The following TSHZ1 variants were observed in gnomAD, a reference collection of about 807,000 sequenced individuals.
TSHZ1 encodes teashirt zinc finger homeobox 1, also known as teashirt homolog 1.
In TSHZ1, 12 loss-of-function variants were observed where a neutral mutation model predicts 67.1. The ratio of observed to expected loss-of-function variants is 0.18; its 90% confidence interval spans 0.11 to 0.29. The LOEUF (loss-of-function observed/expected upper bound fraction) is 0.29, where lower values mean the gene tolerates loss of function less well. TSHZ1 is among the 10% of genes least tolerant of loss of function. The probability of loss-of-function intolerance (pLI) is 1.00; values close to 1 mark genes in which losing one functional copy is unlikely to be tolerated. For missense variants in TSHZ1, 1,305 were observed against 1,413.9 expected, an observed-to-expected ratio of 0.92 and a Z score of 1.23; for synonymous variants, 632 against 622.4, an observed-to-expected ratio of 1.02 and a Z score of -0.23.
At chr18:75,237,851 T>C (rs12969080) in intron 1 of TSHZ1, among the ~76,000 whole-genome samples, 2,863 of 151,674 alleles carry the variant, frequency 0.019, 41 homozygotes, top group Non-Finnish European at 0.032. Flanking sequence ...TCACTCTTGT[T>C]GCCCAGGCTG....
chr18:75,256,971 G>T (rs1054698222), intron 1 of TSHZ1, among the ~76,000 whole-genome samples: 6 of 152,102 alleles, frequency 3.9e-5, no homozygotes, highest in African/African-American at 1.2e-4. Context: ...GGGAAATGCT[G>T]CTCTTTTTAA....
At position 75,281,342 on chromosome 18, in the gene TSHZ1, G is replaced by A. The variant is rs1021945968; in HGVS notation, c.41-4106G>A. The stretch of plus-strand genomic sequence containing the variant: ...ACGTCTGAATCTGGAGATTCAGAAG[G>A]AGGAGAAAGTGTGCTGTTGTTTTGA... On this transcript the variant is annotated intron_variant, in intron 1 of 1. Transcript: ENST00000580243. This position sits in a 1 kb window ranked among gnomAD's most constrained non-coding sequence, Gnocchi z 5.3. Among the ~76,000 whole-genome samples, 1 of 152,210 alleles carries A rather than the reference G, an allele frequency of 6.6e-6. No individual in the cohort carries two copies. The highest frequency in any genetic ancestry group is 6.5e-5 in the Admixed American group (1 of 15,290).
intron 1 of TSHZ1, among the ~76,000 whole-genome samples, chr18:75,218,876 C>G (rs962563615): frequency 6.6e-6 from 1 of 152,218 alleles, no homozygotes; most frequent in Admixed American, 6.5e-5. Flanking sequence ...AGTCAATACT[C>G]TTTGCTGGGA....
At chr18:75,276,248 C>A (rs1437227911) in intron 1 of TSHZ1, among the ~76,000 whole-genome samples, 1 of 150,610 alleles carries the variant, frequency 6.6e-6, no homozygotes, top group Non-Finnish European at 1.5e-5. Flanking sequence ...GCCATTAGGT[C>A]ATTTTATTTG....
intron 1 of TSHZ1, among the ~76,000 whole-genome samples, chr18:75,266,603 G>A (rs1486907033): frequency 6.6e-6 from 1 of 152,190 alleles, no homozygotes; most frequent in East Asian, 1.9e-4. Context: ...GAAACATAAG[G>A]ATGTCTTTTG....
Position 75,286,441 on chromosome 18 carries a change from C to G in TSHZ1, c.1034C>G (p.Thr345Ser), listed in dbSNP as rs1943981403. ...VPLKEPVPAITKLVPSTKKRA... is the reference protein window; with the variant it reads ...VPLKEPVPAISKLVPSTKKRA... Reference sequence around the variant, plus strand: ...CTGAAGGAGCCAGTGCCAGCCATCACCAAACTGGTCCCCTCCACCAAAAAG... The same window carrying G: ...CTGAAGGAGCCAGTGCCAGCCATCAGCAAACTGGTCCCCTCCACCAAAAAG... The change falls in exon 2 of 2, where the codon ACC becomes AGC. Residue 345 changes from threonine (T) to serine (S), a missense_variant. This residue lies in a region of TSHZ1 where 38 missense variants were observed against 76.5 expected (regional missense o/e 0.50). Transcript: ENST00000580243. The surrounding 1 kb of genome is among the most constrained non-coding windows in gnomAD (Gnocchi z 5.1). The G allele has an allele frequency of 1.2e-6, 2 of 1,614,230 alleles. No individual in the cohort carries two copies. The highest frequency in any genetic ancestry group is 1.7e-6 in the Non-Finnish European group (2 of 1,180,040).
rs778854634 is a variant in TSHZ1, at chr18:75,285,993, G to A, written c.586G>A (p.Gly196Arg). The change falls in exon 2 of 2, where the codon GGG becomes AGG. Residue 196 changes from glycine to arginine, a missense_variant. Gly to Arg is a moderately radical substitution (Grantham distance 125, BLOSUM62 -2). Around this residue, in one of 3 missense-constraint regions of TSHZ1, gnomAD observed 358 missense variants for 375.6 expected, o/e 0.95. Coordinates refer to ENST00000580243, the MANE Select transcript of TSHZ1 (RefSeq NM_001308210.2). ...SSTTSTSSSSGYDWHQAALAK... is the reference protein window; with the variant it reads ...SSTTSTSSSSRYDWHQAALAK... ...TACCACCAGTACCAGCAGCAGCTCCGGGTACGACTGGCACCAGGCTGCACT... is the reference window on the plus strand; with the variant it reads ...TACCACCAGTACCAGCAGCAGCTCCAGGTACGACTGGCACCAGGCTGCACT... The A allele has an allele frequency of 1.1e-5, 17 of 1,603,362 alleles. No homozygotes were observed. Among genetic ancestry groups the A allele is most frequent in the East Asian group, 6.8e-5 (3 of 44,246 alleles).
At chr18:75,216,064 G>A (rs2439255) in intron 1 of TSHZ1, among the ~76,000 whole-genome samples, 26,640 of 152,008 alleles carry the variant, frequency 0.18, 3,122 homozygotes, top group African/African-American at 0.33. Context: ...TTTAGGCGCC[G>A]CCTGCGTATG....
intron 1 of TSHZ1, among the ~76,000 whole-genome samples, chr18:75,282,291 C>T (rs1309103674): frequency 1.3e-5 from 2 of 152,064 alleles, no homozygotes; most frequent in African/African-American, 4.8e-5. Context: ...TGTGAGATGC[C>T]GGGCCAGGCC....
intron 1 of TSHZ1, among the ~76,000 whole-genome samples, chr18:75,277,915 C>T (rs1016288712): frequency 2.0e-5 from 3 of 152,110 alleles, no homozygotes; most frequent in Non-Finnish European, 2.9e-5. Context: ...GTGGGGAAAC[C>T]GAGGTCCCAA....
At position 75,279,203 on chromosome 18, in the gene TSHZ1, C is replaced by T. The variant is rs532560011; in HGVS notation, c.41-6245C>T. On this transcript the variant is annotated intron_variant, in intron 1 of 1. Coordinates refer to ENST00000580243, the MANE Select transcript of TSHZ1 (RefSeq NM_001308210.2). ...CAGTGATGTGGGGTGGAAGGGAGGC[C>T]GTCCTCCCAGCTGTCTTGAAGGTTT... is the stretch of plus-strand genomic sequence containing the variant. 9.2e-5 allele frequency among the ~76,000 whole-genome samples: 14 copies of T among 152,166 alleles called. No homozygotes were observed. The South Asian group carries it at 2.3e-3, about 25-fold the overall frequency.
At chr18:75,224,471 A>G (rs974670310) in intron 1 of TSHZ1, among the ~76,000 whole-genome samples, 1 of 152,212 alleles carries the variant, frequency 6.6e-6, no homozygotes, top group Admixed American at 6.5e-5. Context: ...AGACCTTGGT[A>G]ATATATAAAC....
At chr18:75,244,643 G>A (rs113484966) in intron 1 of TSHZ1, 3,061 of 152,344 alleles carry the variant, frequency 0.02, 49 homozygotes, top group Non-Finnish European at 0.032. Flanking sequence ...CTTTGTGGTC[G>A]TTGCTCTGCC....
intron 1 of TSHZ1, chr18:75,284,504 C>T (rs2023725629): frequency 5.3e-5 from 8 of 152,232 alleles, no homozygotes; most frequent in Admixed American, 5.2e-4. Flanking sequence ...CCATCACCAC[C>T]CTCCATCTCC....
In TSHZ1 at chr18:75,286,306, A is replaced by C. The variant is rs1286925513; in HGVS notation, c.899A>C (p.Lys300Thr). ...CGCTCCCTGATGGAGATGGAGGGGA[A>C]GGAGGATGCCCAGAAGGTGCTGAAG... ...RKRSLMEMEG[K>T]EDAQKVLKCM... The change falls in exon 2 of 2, where the codon AAG becomes ACG. Residue 300 changes from lysine (K) to threonine (T), a missense_variant. This residue lies in a region of TSHZ1 where 38 missense variants were observed against 76.5 expected (regional missense o/e 0.50). Coordinates refer to ENST00000580243, the MANE Select transcript of TSHZ1 (RefSeq NM_001308210.2). This position sits in a 1 kb window ranked among gnomAD's most constrained non-coding sequence, Gnocchi z 5.1. The C allele has an allele frequency of 1.9e-6, 3 of 1,612,996 alleles. No individual in the cohort carries two copies. Among genetic ancestry groups the C allele is most frequent in the Non-Finnish European group, 1.7e-6 (2 of 1,179,084 alleles).
chr18:75,211,976 G>C (rs1029821235), intron 1 of TSHZ1, 60 bp downstream of exon 1: 1 of 1,175,636 alleles, frequency 8.5e-7, no homozygotes, highest in Admixed American at 4.5e-5. Context: ...GGAGGAGGGG[G>C]CTTCGCGGGC....
chr18:75,272,214 G>A (rs2023566834), intron 1 of TSHZ1, among the ~76,000 whole-genome samples: 2 of 152,256 alleles, frequency 1.3e-5, no homozygotes. Context: ...AGATAGAAGA[G>A]GAAGAGCACG....
chr18:75,263,322 A>G (rs773166289), intron 1 of TSHZ1, among the ~76,000 whole-genome samples: 1 of 152,182 alleles, frequency 6.6e-6, no homozygotes, highest in Non-Finnish European at 1.5e-5. Context: ...CTGCACTTCC[A>G]TTTACATCAC....
At chr18:75,273,362 A>G (rs2023580332) in intron 1 of TSHZ1, among the ~76,000 whole-genome samples, 1 of 152,234 alleles carries the variant, frequency 6.6e-6, no homozygotes, top group African/African-American at 2.4e-5. Flanking sequence ...AGCCAGTGTT[A>G]TTAAGACTCG....
Sources: gnomAD v4.1 joint callset for allele counts (sites outside exome capture counted in the v4.1 genomes callset) on GRCh38, gnomAD v4.1.1 for gene constraint, gnomAD v4.1.1 regional missense constraint, Gnocchi (gnomAD v3.1) non-coding constraint, MANE v1.5 for transcripts, NCBI Gene and HGNC (gene_info 2026-07-23, HGNC 2026-07-21) for gene names.